Variants in SLCO2B1 observed in about 807,000 individuals in gnomAD.
The protein encoded by SLCO2B1 is OATP-RP2.
A neutral mutation model predicts 67.3 loss-of-function variants in SLCO2B1; 41 were observed. That is an observed-to-expected ratio of 0.61 (90% confidence interval 0.47 to 0.79). SLCO2B1 has a LOEUF of 0.79. SLCO2B1 is among the 30% of genes least tolerant of loss of function. The pLI is 0.00. For synonymous variants in SLCO2B1, 379 were observed against 381.4 expected (o/e 0.99, Z 0.07); for missense variants, 837 against 920.1 (o/e 0.91, Z 1.17).
intron 12 of SLCO2B1, 107 bp downstream of exon 12, chr11:75,203,072 G>C: frequency 8.2e-7 from 1 of 1,217,684 alleles, no homozygotes; most frequent in Non-Finnish European, 1.2e-6. Context: ...CTGATCTTAG[G>C]GCTCACAAGC....
intron 1 of SLCO2B1, among the ~76,000 whole-genome samples, chr11:75,154,135 A>ATGTTTCACCATGTT (rs1445744348): frequency 6.6e-6 from 1 of 150,594 alleles, no homozygotes; most frequent in Non-Finnish European, 1.5e-5. Flanking sequence ...CATGTTGGCC[A>ATGTTTCACCATGTT]GGCTGGTCTC....
intron 4 of SLCO2B1, among the ~76,000 whole-genome samples, chr11:75,166,836 C>T (rs572052390): frequency 2.0e-5 from 3 of 152,144 alleles, no homozygotes; most frequent in African/African-American, 7.2e-5. Flanking sequence ...AGCCCACACC[C>T]CAGCCTGGCA....
intron 3 of SLCO2B1, 50 bp downstream of exon 3, chr11:75,164,150 C>A: frequency 6.4e-7 from 1 of 1,566,860 alleles, no homozygotes; most frequent in East Asian, 2.3e-5. Context: ...AGGCTTGCAC[C>A]GCACCTTCCA....
At chr11:75,202,733 A>G in intron 11 of SLCO2B1, 168 bp from the exon 12 acceptor site, 1 of 648,618 alleles carries the variant, frequency 1.5e-6, no homozygotes, top group East Asian at 2.7e-5. Flanking sequence ...CAGGTTGAAA[A>G]AGGATGGGGT....
rs1761787173 is a variant in SLCO2B1, at chr11:75,193,149, C to T, written c.1076-69C>T. On this transcript the variant is annotated intron_variant, in intron 8 of 13. Coordinates refer to ENST00000289575, the MANE Select transcript of SLCO2B1 (RefSeq NM_007256.5). This position sits in a 1 kb window ranked among gnomAD's most constrained non-coding sequence, Gnocchi z 4.2. ...ATGGAACTGCTTGAACTGAGCAGGGCAGGAGGGCAGTCTCTGCTGGACAGC... is the reference window on the plus strand; with the variant it reads ...ATGGAACTGCTTGAACTGAGCAGGGTAGGAGGGCAGTCTCTGCTGGACAGC... 2 of 1,146,384 alleles carry T rather than the reference C, an allele frequency of 1.7e-6. No individual in the cohort carries two copies. Among genetic ancestry groups the T allele is most frequent in the Non-Finnish European group, 2.5e-6 (2 of 793,726 alleles). The allele number at this position is 1,146,384 out of a possible 1,614,324, so 71.0% of individuals were successfully genotyped here.
chr11:75,170,998 T>C (rs1173607688), intron 6 of SLCO2B1, among the ~76,000 whole-genome samples: 1 of 152,206 alleles, frequency 6.6e-6, no homozygotes, highest in African/African-American at 2.4e-5. Context: ...TCATGCTAGC[T>C]GCAGGCACAG....
At chr11:75,198,559 G>A (rs1291142544) in intron 10 of SLCO2B1, among the ~76,000 whole-genome samples, 1 of 152,238 alleles carries the variant, frequency 6.6e-6, no homozygotes, top group Non-Finnish European at 1.5e-5. Flanking sequence ...CTCAATACCA[G>A]GGCTGGGACT....
At chr11:75,167,725 C>T (rs1251719820) in intron 4 of SLCO2B1, among the ~76,000 whole-genome samples, 2 of 152,084 alleles carry the variant, frequency 1.3e-5, no homozygotes, top group Non-Finnish European at 2.9e-5. Context: ...GTTCACGACT[C>T]CAGGAGGCAG....
intron 1 of SLCO2B1, among the ~76,000 whole-genome samples, chr11:75,160,613 C>T (rs968345587): frequency 4.6e-5 from 7 of 152,186 alleles, no homozygotes; most frequent in African/African-American, 7.2e-5. Flanking sequence ...CACTGAGTGT[C>T]CCATGACACT....
intron 1 of SLCO2B1, among the ~76,000 whole-genome samples, chr11:75,154,631 CT>C (rs1949726224): frequency 6.6e-6 from 1 of 152,256 alleles, no homozygotes; most frequent in Non-Finnish European, 1.5e-5. Context: ...TAACAGAGCC[CT>C]TCCTGGCCTC....
In SLCO2B1 at chr11:75,192,913, G is replaced by T. The variant is rs183396423; in HGVS notation, c.1076-305G>T. ...CACAAAAATTAGCCAGCATGGTGGT[G>T]CACACCTGTAGTTTCAGCTACTCGG... On this transcript the variant is annotated intron_variant, in intron 8 of 13. Transcript: ENST00000289575. Among the ~76,000 whole-genome samples the T allele has an allele frequency of 2.0e-5, 3 of 152,218 alleles. No individual in the cohort carries two copies. The East Asian group carries it at 5.8e-4, about 29-fold the overall frequency.
intron 3 of SLCO2B1, among the ~76,000 whole-genome samples, chr11:75,165,144 G>A (rs112428337): frequency 5.5e-4 from 84 of 152,234 alleles, no homozygotes; most frequent in African/African-American, 1.9e-3. Context: ...AAAAGGTCAA[G>A]CCTTGGGCCA....
chr11:75,184,431 C>A (rs1465467010), intron 7 of SLCO2B1, among the ~76,000 whole-genome samples: 1 of 152,216 alleles, frequency 6.6e-6, no homozygotes, highest in Admixed American at 6.5e-5. Flanking sequence ...GAATGCCTAT[C>A]CTGCCAGATC....
intron 11 of SLCO2B1, 49 bp from the exon 12 acceptor site, chr11:75,202,852 G>T: frequency 6.5e-7 from 1 of 1,542,884 alleles, no homozygotes; most frequent in Non-Finnish European, 9.0e-7. Flanking sequence ...ATGGCCCTTG[G>T]GGGCTGGAAC....
rs755602252 is a variant in SLCO2B1, at chr11:75,165,884, C to T, written c.383C>T (p.Ala128Val). Residue 128 changes from alanine to valine, a missense_variant, in exon 4 of 14, where the codon GCG becomes GTG. Coordinates refer to ENST00000289575, the MANE Select transcript of SLCO2B1 (RefSeq NM_007256.5). ...TATGGGGCTATCCTTGTGGCCCTGG[C>T]GGGCCTGCTCATGACTCTCCCGCAC... ...IGYGAILVAL[A>V]GLLMTLPHFI... 13 of 1,614,006 alleles carry T rather than the reference C, an allele frequency of 8.1e-6. No homozygotes were observed. Among genetic ancestry groups the T allele is most frequent in the South Asian group, 1.1e-5 (1 of 91,078 alleles).
rs1945244702 is a variant in SLCO2B1, at chr11:75,204,667, C to T, written c.*87C>T. 1 of 1,230,962 alleles carries T rather than the reference C, an allele frequency of 8.1e-7. No homozygotes were observed. Among genetic ancestry groups the T allele is most frequent in the Non-Finnish European group, 1.1e-6 (1 of 902,090 alleles). 76.3% of individuals were successfully genotyped at this position (1,230,962 alleles called of 1,614,324 possible). On this transcript the variant is annotated 3_prime_UTR_variant, in exon 14 of 14. Coordinates refer to ENST00000289575, the MANE Select transcript of SLCO2B1 (RefSeq NM_007256.5). ...TTGCCCAAGATTGGGTGTCAAGAGC[C>T]CTGTGTTCCATTCTGGCTCCTCCAC...
chr11:75,200,487 C>A, intron 11 of SLCO2B1, 100 bp downstream of exon 11: 1 of 1,244,292 alleles, frequency 8.0e-7, no homozygotes, highest in Non-Finnish European at 1.1e-6. Flanking sequence ...AAGGAGGCCA[C>A]TTGGGTGTCC....
intron 9 of SLCO2B1, chr11:75,196,234 G>A (rs1945094787): frequency 2.8e-6 from 1 of 357,248 alleles, no homozygotes; most frequent in African/African-American, 2.1e-5. Context: ...CTTCTGGGAG[G>A]AATTTATCTT....
At chr11:75,152,225 T>C (rs757083953) in intron 1 of SLCO2B1, 8 of 152,350 alleles carry the variant, frequency 5.3e-5, no homozygotes, top group Non-Finnish European at 1.0e-4. Context: ...ACAAAGGATC[T>C]TTCTACTGGG....
Sources: gnomAD v4.1 joint callset for allele counts (sites outside exome capture counted in the v4.1 genomes callset) on GRCh38, gnomAD v4.1.1 for gene constraint, Gnocchi (gnomAD v3.1) non-coding constraint, MANE v1.5 for transcripts, NCBI Gene and HGNC (gene_info 2026-07-23, HGNC 2026-07-21) for gene names.